The following PDE4D variants were observed in gnomAD, a reference collection of about 807,000 sequenced individuals.
PDE4D encodes the protein phosphodiesterase 4D.
PDE4D carries 24 observed loss-of-function variants against 87.4 expected under a neutral mutation model. The observed-to-expected ratio is 0.27, with a 90% CI of 0.20 to 0.39. The LOEUF (loss-of-function observed/expected upper bound fraction) is 0.39. PDE4D is among the 10% of genes least tolerant of loss of function. The pLI is 1.00. For synonymous variants in PDE4D, 384 were observed against 383.2 expected (o/e 1.00, Z -0.02); for missense variants, 714 against 1,041.0 (o/e 0.69, Z 4.32).
chr5:59,734,664 T>C (rs1261669288), intron 1 of PDE4D, among the ~76,000 whole-genome samples: 1 of 151,978 alleles, frequency 6.6e-6, no homozygotes, highest in Non-Finnish European at 1.5e-5. Context: ...TATTAAATCA[T>C]TTCGATTTCA....
At chr5:60,394,396 A>G (rs1762753171) in intron 1 of PDE4D, among the ~76,000 whole-genome samples, 1 of 152,242 alleles carries the variant, frequency 6.6e-6, no homozygotes, top group Non-Finnish European at 1.5e-5. Context: ...AAATGGGGAT[A>G]AGAATGCTCA....
intron 1 of PDE4D, chr5:59,768,122 G>T: frequency 1.7e-6 from 2 of 1,171,086 alleles, no homozygotes; most frequent in Non-Finnish European, 2.4e-6. Context: ...GAGATCACTT[G>T]GCCATAAATC....
chr5:59,635,650 C>T (rs768767851), intron 1 of PDE4D, among the ~76,000 whole-genome samples: 23 of 152,200 alleles, frequency 1.5e-4, no homozygotes, highest in Non-Finnish European at 2.6e-4. Flanking sequence ...ACATGATCAA[C>T]TCAATAGATG....
At chr5:59,326,011 G>A (rs560140418) in intron 1 of PDE4D, among the ~76,000 whole-genome samples, 24 of 152,072 alleles carry the variant, frequency 1.6e-4, no homozygotes, top group Non-Finnish European at 2.2e-4. Context: ...GCAAACTATC[G>A]CAAGGACAGA....
intron 1 of PDE4D, among the ~76,000 whole-genome samples, chr5:59,256,855 A>G (rs1761077420): frequency 6.6e-6 from 1 of 152,096 alleles, no homozygotes; most frequent in African/African-American, 2.4e-5. Context: ...AATACATTAT[A>G]TAACCTCTAT....
At chr5:59,448,665 G>A (rs1211537693) in intron 1 of PDE4D, among the ~76,000 whole-genome samples, 1 of 152,028 alleles carries the variant, frequency 6.6e-6, no homozygotes, top group Non-Finnish European at 1.5e-5. Flanking sequence ...TTTTTGGCGG[G>A]GGAGGTGGAA....
intron 1 of PDE4D, among the ~76,000 whole-genome samples, chr5:59,258,678 T>C (rs1338290201): frequency 2.0e-5 from 3 of 148,476 alleles, no homozygotes; most frequent in African/African-American, 7.4e-5. Context: ...ATATTATATA[T>C]CATATAGATA....
chr5:60,445,739 A>C (rs909448763), intron 1 of PDE4D, among the ~76,000 whole-genome samples: 2 of 152,176 alleles, frequency 1.3e-5, no homozygotes, highest in African/African-American at 4.8e-5. Flanking sequence ...TTATGCCCAT[A>C]GTTAATAATA....
intron 2 of PDE4D, among the ~76,000 whole-genome samples, chr5:60,131,271 A>C (rs12515390): frequency 0.51 from 77,620 of 152,046 alleles, 20,221 homozygotes; most frequent in Admixed American, 0.57. Flanking sequence ...TATGGGGCTG[A>C]GAACAGATGT....
rs76595818 is a variant in PDE4D at position 59,220,108 on chromosome 5, C to G, written c.456-4140G>C. ...TGTCAGCAGAAGCTTGTTATAAAGA[C>G]TTACGTGGAAACACACAAATCAACT... On this transcript the variant is annotated intron_variant, in intron 1 of 14. Transcript: ENST00000340635. 3.9e-5 allele frequency among the ~76,000 whole-genome samples: 6 copies of G among 152,156 alleles called. No individual in the cohort carries two copies. In the South Asian group the frequency reaches 8.3e-4, roughly 21 times the overall value.
In PDE4D at chr5:58,974,560, T is replaced by C; in HGVS notation, c.*104A>G. The C allele has an allele frequency of 9.1e-7, 1 of 1,103,316 alleles. No individual in the cohort carries two copies. The highest frequency in any genetic ancestry group is 1.3e-6 in the Non-Finnish European group (1 of 773,206). 68.3% of individuals were successfully genotyped at this position (1,103,316 alleles called of 1,614,324 possible). ...GGTCAGTTTTGTTCAACAAACGTCC[T>C]GGCAGATGACAGTGAGGTGTGACCG... is the stretch of plus-strand genomic sequence containing the variant. On this transcript the variant is annotated 3_prime_UTR_variant, in exon 15 of 15. Coordinates refer to ENST00000340635, the MANE Select transcript of PDE4D (RefSeq NM_001104631.2).
At chr5:59,658,015 T>C (rs1744647900) in intron 1 of PDE4D, among the ~76,000 whole-genome samples, 2 of 152,200 alleles carry the variant, frequency 1.3e-5, no homozygotes, top group Admixed American at 1.3e-4. Context: ...TGTAAACTTA[T>C]AAACTGGTTT....
At chr5:59,844,186 T>C (rs1009224460) in intron 1 of PDE4D, among the ~76,000 whole-genome samples, 3 of 152,088 alleles carry the variant, frequency 2.0e-5, no homozygotes, top group Admixed American at 6.6e-5. Context: ...GCAAGTACCA[T>C]GAATAGTTTT....
At chr5:59,989,117 C>G (rs76171119) in intron 2 of PDE4D, among the ~76,000 whole-genome samples, 1 of 63,702 alleles carries the variant, frequency 1.6e-5, no homozygotes, top group African/African-American at 5.4e-5. Flanking sequence ...TATATATATA[C>G]ACACACACAC....
intron 1 of PDE4D, among the ~76,000 whole-genome samples, chr5:60,502,689 C>T (rs1750141323): frequency 6.6e-6 from 1 of 152,064 alleles, no homozygotes. Context: ...AGAATTATTG[C>T]CAAAACAGCA....
intron 5 of PDE4D, among the ~76,000 whole-genome samples, chr5:59,129,531 GGTTT>G (rs1775970610): frequency 1.3e-5 from 2 of 152,124 alleles, no homozygotes; most frequent in Admixed American, 1.3e-4. Context: ...CTCTCACCAT[GGTTT>G]GTAACATTGC....
At chr5:60,048,049 C>T (rs534736437) in intron 2 of PDE4D, among the ~76,000 whole-genome samples, 3 of 152,188 alleles carry the variant, frequency 2.0e-5, no homozygotes, top group South Asian at 2.1e-4. Context: ...CTGGGTGCTC[C>T]TGTATTGGGT....
chr5:59,339,619 C>A (rs1026393273), intron 1 of PDE4D, among the ~76,000 whole-genome samples: 1 of 152,140 alleles, frequency 6.6e-6, no homozygotes, highest in Non-Finnish European at 1.5e-5. Context: ...CCATTATTTG[C>A]AGAGCAGTTG....
rs1246956259 is a variant in PDE4D, at chr5:60,106,394, C to G, written c.42+79163G>C. On this transcript the variant is annotated intron_variant, in intron 2 of 16. Transcript: ENST00000502484. Reference sequence around the variant, plus strand: ...TGACCTACAAAGAGACTTAGACTCCCACACAATAATAATGGGAGACTTTAA... The same window carrying G: ...TGACCTACAAAGAGACTTAGACTCCGACACAATAATAATGGGAGACTTTAA... 1.5e-4 allele frequency among the ~76,000 whole-genome samples: 22 copies of G among 151,412 alleles called. No homozygotes were observed. In the East Asian group the frequency reaches 2.9e-3, roughly 20 times the overall value.
Sources: allele counts gnomAD v4.1 joint callset (sites outside exome capture counted in the v4.1 genomes callset), GRCh38; gene constraint gnomAD v4.1.1; transcripts MANE v1.5; gene names NCBI Gene and HGNC (gene_info 2026-07-23, HGNC 2026-07-21).